Variants in LSP1 observed in about 807,000 individuals in gnomAD.
LSP1 encodes the protein lymphocyte specific protein 1.
Under a neutral mutation model 49.3 loss-of-function variants are expected in LSP1, and 32 were observed. The ratio of observed to expected loss-of-function variants is 0.65; its 90% CI spans 0.49 to 0.87. The LOEUF is 0.87. Among genes scored for constraint, LSP1 ranks in the 40% least tolerant of loss-of-function variants. The probability of loss-of-function intolerance (pLI) is 0.00; values close to 1 mark genes in which losing one functional copy is unlikely to be tolerated. For missense variants in LSP1, 428 were observed against 442.6 expected (o/e 0.97, Z 0.30); for synonymous variants, 179 against 178.8 (o/e 1.00, Z -0.01).
At chr11:1,865,427 G>A (rs1847754884) in intron 1 of LSP1, among the ~76,000 whole-genome samples, 1 of 148,056 alleles carries the variant, frequency 6.8e-6, no homozygotes. Context: ...ACATGTGTGA[G>A]TGCGGAGGCT....
chr11:1,888,055 T>A (rs1387958607), intron 10 of LSP1, among the ~76,000 whole-genome samples: 1 of 152,128 alleles, frequency 6.6e-6, no homozygotes, highest in East Asian at 1.9e-4. Context: ...CATCCCATGC[T>A]GCAGACAGAG....
At chr11:1,885,162 C>T (rs2133127047) in intron 7 of LSP1, among the ~76,000 whole-genome samples, 1 of 151,878 alleles carries the variant, frequency 6.6e-6, no homozygotes, top group Admixed American at 6.6e-5. Context: ...TCCCTCCCAT[C>T]CAATCAATTC....
At chr11:1,874,487 G>T (rs1388003278) in intron 1 of LSP1, among the ~76,000 whole-genome samples, 4 of 152,154 alleles carry the variant, frequency 2.6e-5, no homozygotes, top group African/African-American at 9.7e-5. Context: ...TCAGGGTGGG[G>T]TGGGCTCTGG....
intron 1 of LSP1, among the ~76,000 whole-genome samples, chr11:1,873,520 G>A (rs1435148885): frequency 6.6e-6 from 1 of 150,998 alleles, no homozygotes; most frequent in Non-Finnish European, 1.5e-5. Context: ...GAGGGAGGGA[G>A]GGAGGAAGGA....
chr11:1,871,259 G>A lies in LSP1; in HGVS notation c.54-8828G>A, dbSNP rs564590967. On this transcript the variant is annotated intron_variant, in intron 1 of 10. Transcript: ENST00000311604. Reference sequence around the variant, plus strand: ...CAGGCAGAGCCGCAGCCACGCCGCCGGGATGCAGCAGGCAGGGCCACCCAC... The same window carrying A: ...CAGGCAGAGCCGCAGCCACGCCGCCAGGATGCAGCAGGCAGGGCCACCCAC... 2.3e-5 allele frequency: 23 copies of A among 986,854 alleles called. No homozygotes were observed. In the Admixed American group the frequency reaches 2.5e-4, roughly 11 times the overall value. 61.1% of individuals were successfully genotyped at this position (986,854 alleles called of 1,614,324 possible).
chr11:1,856,394 C>T (rs913133845), intron 1 of LSP1, among the ~76,000 whole-genome samples: 2 of 152,224 alleles, frequency 1.3e-5, no homozygotes, highest in Non-Finnish European at 2.9e-5. Flanking sequence ...AGCCCTGGCA[C>T]ATGCCCCTCC....
At chr11:1,856,845 G>A (rs971785614) in intron 1 of LSP1, among the ~76,000 whole-genome samples, 5 of 152,238 alleles carry the variant, frequency 3.3e-5, no homozygotes, top group Non-Finnish European at 5.9e-5. Flanking sequence ...TGGGGCAGGT[G>A]GCCCTGAGAG....
In LSP1 at chr11:1,865,135, T is replaced by C. The variant is rs576649688; in HGVS notation, c.53+11938T>C. 2.3e-4 allele frequency: 216 copies of C among 949,320 alleles called. No individual in the cohort carries two copies. In the African/African-American group the frequency reaches 3.6e-3, roughly 16 times the overall value. The allele number at this position is 949,320 out of a possible 1,614,324, so 58.8% of individuals were successfully genotyped here. ...GAGGAGGGCCAGCAGGACAGGAGCCTTTGAGATGCTGCTCTATCCCCGGGG... is the reference window on the plus strand; with the variant it reads ...GAGGAGGGCCAGCAGGACAGGAGCCCTTGAGATGCTGCTCTATCCCCGGGG... On this transcript the variant is annotated intron_variant, in intron 1 of 10. Coordinates refer to ENST00000311604, the MANE Select transcript of LSP1 (RefSeq NM_002339.3).
chr11:1,870,302 A>C (rs1847943623), intron 1 of LSP1: 1 of 1,298,096 alleles, frequency 7.7e-7, no homozygotes, highest in Admixed American at 2.3e-5. Flanking sequence ...GCTTACTCCC[A>C]TCCTGGGGCT....
At chr11:1,869,989 G>A (rs541244420) in intron 1 of LSP1, among the ~76,000 whole-genome samples, 1 of 152,270 alleles carries the variant, frequency 6.6e-6, no homozygotes, top group East Asian at 1.9e-4. Flanking sequence ...TCAGCTCCCT[G>A]GGACCCCTGC....
intron 1 of LSP1, chr11:1,868,745 G>A (rs1380251278): frequency 1.0e-6 from 1 of 985,782 alleles, no homozygotes; most frequent in East Asian, 1.1e-4. Context: ...AGGGGTGCAG[G>A]GACCGAGTGG....
At chr11:1,870,052 G>A (rs1847933938) in intron 1 of LSP1, 1 of 426,906 alleles carries the variant, frequency 2.3e-6, no homozygotes. Flanking sequence ...CTGTAATGGG[G>A]ATGATAGGAC....
At chr11:1,863,847 C>A (rs959316137) in intron 1 of LSP1, among the ~76,000 whole-genome samples, 2 of 152,130 alleles carry the variant, frequency 1.3e-5, no homozygotes, top group East Asian at 1.9e-4. Context: ...AATACCAAAC[C>A]GAAGATGCTG....
rs150542237 is a variant in LSP1 at position 1,886,844 on chromosome 11, C to T, written c.830C>T (p.Ala277Val). The T allele has an allele frequency of 1.4e-5, 23 of 1,611,420 alleles. No homozygotes were observed. The highest frequency in any genetic ancestry group is 4.5e-5 in the East Asian group (2 of 44,884). Residue 277 changes from alanine (A) to valine (V), a missense_variant, in exon 8 of 11, where the codon GCG becomes GTG. By Grantham distance (64) the Ala-to-Val change is moderately conservative. Transcript: ENST00000311604. ...ACGGGTGAGGTACAGGCTCAGTCTG[C>T]GGCCAAGACTCCGTCCTGCAAGGTA... The part of the protein sequence containing the change: ...WETGEVQAQS[A>V]AKTPSCKDIV...
At chr11:1,857,855 A>G (rs1490966201) in intron 1 of LSP1, among the ~76,000 whole-genome samples, 7 of 152,186 alleles carry the variant, frequency 4.6e-5, no homozygotes, top group African/African-American at 1.7e-4. Flanking sequence ...TCCAGGTTCA[A>G]GAGATTCTCC....
chr11:1,859,024 C>T (rs1038310733), intron 1 of LSP1, among the ~76,000 whole-genome samples: 23 of 152,284 alleles, frequency 1.5e-4, no homozygotes, highest in Admixed American at 1.1e-3. Context: ...GCAGGGAGGG[C>T]CTCTGAGTCC....
intron 10 of LSP1, chr11:1,890,589 G>C: frequency 1.4e-6 from 1 of 703,310 alleles, no homozygotes; most frequent in South Asian, 1.5e-5. Context: ...GAGCATGACT[G>C]TGTCCTAGGG....
chr11:1,861,578 G>C (rs1384846692), intron 1 of LSP1, among the ~76,000 whole-genome samples: 2 of 151,912 alleles, frequency 1.3e-5, no homozygotes, highest in Non-Finnish European at 2.9e-5. Context: ...TAGATAAATA[G>C]ATGAATGGTT....
intron 1 of LSP1, chr11:1,864,282 G>A (rs1481483911): frequency 1.0e-5 from 10 of 983,920 alleles, no homozygotes; most frequent in East Asian, 1.1e-4. Context: ...AACGGCCGAC[G>A]AAGGAGAAGA....
Sources: allele counts gnomAD v4.1 joint callset (sites outside exome capture counted in the v4.1 genomes callset), GRCh38; gene constraint gnomAD v4.1.1; transcripts MANE v1.5; gene names NCBI Gene and HGNC (gene_info 2026-07-23, HGNC 2026-07-21).